Variants in MYOM2 observed in about 807,000 individuals in gnomAD.
The protein encoded by MYOM2 is myomesin-2.
Under a neutral mutation model 187.6 loss-of-function variants are expected in MYOM2, and 254 were observed. The ratio of observed to expected loss-of-function variants is 1.35; its 90% CI spans 1.22 to 1.50. MYOM2 has a LOEUF of 1.50. Ranked by LOEUF, MYOM2 falls within the 40% of genes most tolerant of loss-of-function variation. The probability of loss-of-function intolerance (pLI) is 0.00; values close to 1 mark genes in which losing one functional copy is unlikely to be tolerated. For synonymous variants in MYOM2, 981 were observed against 753.8 expected (o/e 1.30, Z -4.94); for missense variants, 2,796 against 1,924.0 (o/e 1.45, Z -8.48).
At chr8:2,093,713 C>T (rs988569742) in intron 16 of MYOM2, among the ~76,000 whole-genome samples, 1 of 152,064 alleles carries the variant, frequency 6.6e-6, no homozygotes, top group African/African-American at 2.4e-5. Context: ...CAGAGGAGGC[C>T]CAGAAAGTAC....
At position 2,066,465 on chromosome 8, in the gene MYOM2, T is replaced by C. The variant is rs565702631; in HGVS notation, c.654-2813T>C. ...ATTGCTAGTGGGGGTGGGATCGTTG[T>C]AGAGGAAGGGTTAGGATGAATCCCA... is the stretch of plus-strand genomic sequence containing the variant. On this transcript the variant is annotated intron_variant, in intron 6 of 36. Transcript: ENST00000262113. 4.6e-5 allele frequency among the ~76,000 whole-genome samples: 7 copies of C among 152,328 alleles called. No individual in the cohort carries two copies. In the East Asian group the frequency reaches 1.2e-3, roughly 25 times the overall value.
intron 3 of MYOM2, among the ~76,000 whole-genome samples, chr8:2,053,939 G>T (rs930730679): frequency 6.6e-6 from 1 of 152,154 alleles, no homozygotes. Flanking sequence ...AACATAAGTC[G>T]TGGGGATCTC....
chr8:2,085,058 A>G (rs1329240405), intron 13 of MYOM2: 2 of 599,498 alleles, frequency 3.3e-6, no homozygotes, highest in Non-Finnish European at 5.8e-6. Flanking sequence ...TTATATCTGT[A>G]TTGGAAGCAA....
At chr8:2,090,630 A>G (rs1414120469) in intron 15 of MYOM2, among the ~76,000 whole-genome samples, 10 of 151,952 alleles carry the variant, frequency 6.6e-5, no homozygotes, top group Non-Finnish European at 1.3e-4. Flanking sequence ...CCCACCCTAG[A>G]CCCTCTGATA....
chr8:2,116,912 T>C lies in MYOM2; in HGVS notation c.3385+637T>C, dbSNP rs1021482880. The stretch of plus-strand genomic sequence containing the variant: ...AGCTGGGACTACAGGCGCCCGCCAC[T>C]ATGCCCGGTTAATTTTTTCTGTATT... On this transcript the variant is annotated intron_variant, in intron 27 of 36. Coordinates refer to ENST00000262113, the MANE Select transcript of MYOM2 (RefSeq NM_003970.4). 4.8e-5 allele frequency among the ~76,000 whole-genome samples: 7 copies of C among 144,586 alleles called. No homozygotes were observed. In the South Asian group the frequency reaches 6.9e-4, roughly 14 times the overall value. 94.9% of individuals were successfully genotyped at this position (144,586 alleles called of 152,430 possible).
rs922668937 is a variant in MYOM2 at position 2,106,724 on chromosome 8, G to T, written c.2998+127G>T. On this transcript the variant is annotated intron_variant, in intron 23 of 36. Coordinates refer to ENST00000262113, the MANE Select transcript of MYOM2 (RefSeq NM_003970.4). Reference sequence around the variant, plus strand: ...TGTTTGCAGGAGGCTGGCGGTGGGGGCTATGTATATAAGCCAAAACTTGCT... The same window carrying T: ...TGTTTGCAGGAGGCTGGCGGTGGGGTCTATGTATATAAGCCAAAACTTGCT... 11 of 676,608 alleles carry T rather than the reference G, an allele frequency of 1.6e-5. No individual in the cohort carries two copies. The African/African-American group carries it at 1.8e-4, about 11-fold the overall frequency. 41.9% of individuals were successfully genotyped at this position (676,608 alleles called of 1,614,324 possible).
intron 1 of MYOM2, among the ~76,000 whole-genome samples, chr8:2,045,585 A>G (rs1288582741): frequency 6.6e-6 from 1 of 152,158 alleles, no homozygotes; most frequent in East Asian, 1.9e-4. Flanking sequence ...AAAACTGGAT[A>G]TTTTCTTAAG....
At chr8:2,055,881 A>G (rs764931731) in intron 3 of MYOM2, among the ~76,000 whole-genome samples, 1 of 152,006 alleles carries the variant, frequency 6.6e-6, no homozygotes, top group Non-Finnish European at 1.5e-5. Flanking sequence ...TTTCTGTGCG[A>G]TGTGGCCCTG....
intron 6 of MYOM2, among the ~76,000 whole-genome samples, chr8:2,059,962 G>A (rs752271365): frequency 2.7e-4 from 41 of 152,120 alleles, no homozygotes; most frequent in African/African-American, 8.0e-4. Context: ...GGCTGGTCTC[G>A]AACTCCCGAC....
intron 6 of MYOM2, among the ~76,000 whole-genome samples, chr8:2,065,592 T>TC (rs1818993305): frequency 6.6e-6 from 1 of 152,156 alleles, no homozygotes; most frequent in Non-Finnish European, 1.5e-5. Flanking sequence ...CCTCGGCAAC[T>TC]ATTTTTGCCC....
chr8:2,086,228 GCC>G (rs1299207687), intron 14 of MYOM2, among the ~76,000 whole-genome samples: 2 of 46,692 alleles, frequency 4.3e-5, no homozygotes, highest in Non-Finnish European at 1.2e-4. Flanking sequence ...TCTCTTTGTG[GCC>G]CCCCACTGTT....
Position 2,133,234 on chromosome 8 carries a change from A to G in MYOM2, c.3800+4002A>G, listed in dbSNP as rs117137591. On this transcript the variant is annotated intron_variant, in intron 32 of 36. Coordinates refer to ENST00000262113, the MANE Select transcript of MYOM2 (RefSeq NM_003970.4). Reference sequence around the variant, plus strand: ...GGGGCTCTTCCCAAAGGAGGTCTGCATTCCTCAACACTGTCCTCTCCAGCC... The same window carrying G: ...GGGGCTCTTCCCAAAGGAGGTCTGCGTTCCTCAACACTGTCCTCTCCAGCC... Among the ~76,000 whole-genome samples, 533 of 152,342 alleles carry G rather than the reference A, an allele frequency of 3.5e-3. 4 individuals are homozygous for G. The highest frequency in any genetic ancestry group is 5.8e-3 in the Admixed American group (89 of 15,302).
chr8:2,145,370 A>C lies in MYOM2; in HGVS notation c.*389A>C. 1 of 288,898 alleles carries C rather than the reference A, an allele frequency of 3.5e-6. No homozygotes were observed. 17.9% of individuals were successfully genotyped at this position (288,898 alleles called of 1,614,324 possible). Reference sequence around the variant, plus strand: ...GGGGCCGCGAGATCTAGCATCTCTGAAATCCTGGCTGTCGAGGCTTTGAAG... The same window carrying C: ...GGGGCCGCGAGATCTAGCATCTCTGCAATCCTGGCTGTCGAGGCTTTGAAG... On this transcript the variant is annotated 3_prime_UTR_variant, in exon 37 of 37. Transcript: ENST00000262113.
At chr8:2,109,867 G>T (rs564431950) in intron 25 of MYOM2, among the ~76,000 whole-genome samples, 124 of 152,262 alleles carry the variant, frequency 8.1e-4, no homozygotes, top group African/African-American at 2.9e-3. Context: ...GGTTTTGAAG[G>T]TATCTATTTT....
At position 2,085,348 on chromosome 8, in the gene MYOM2, C is replaced by T. The variant is rs1400626948; in HGVS notation, c.1602C>T (p.Pro534=). 3 of 1,613,922 alleles carry T rather than the reference C, an allele frequency of 1.9e-6. No individual in the cohort carries two copies. Among genetic ancestry groups the T allele is most frequent in the South Asian group, 2.2e-5 (2 of 91,080 alleles). The change falls in exon 14 of 37, where the codon CCC becomes CCT. Residue 534 remains proline, a synonymous_variant. Coordinates refer to ENST00000262113, the MANE Select transcript of MYOM2 (RefSeq NM_003970.4). The part of the protein sequence containing the change: ...RNYVVLSWEP[P]TPRGKDPLMY... ...ATGTCGTCCTCAGCTGGGAGCCACC[C>T]ACTCCCCGTGGCAAGGACCCGCTCA...
chr8:2,070,375 C>T (rs760995422), intron 8 of MYOM2, among the ~76,000 whole-genome samples: 1 of 152,190 alleles, frequency 6.6e-6, no homozygotes, highest in East Asian at 1.9e-4. Flanking sequence ...CCGCTGTGGG[C>T]GTGGCCTCTG....
At chr8:2,134,314 C>T (rs1797982676) in intron 32 of MYOM2, among the ~76,000 whole-genome samples, 1 of 152,148 alleles carries the variant, frequency 6.6e-6, no homozygotes. Flanking sequence ...AAGCACGCCC[C>T]TCTGTCTGGG....
At chr8:2,095,823 C>T (rs910903374) in intron 17 of MYOM2, among the ~76,000 whole-genome samples, 1 of 152,160 alleles carries the variant, frequency 6.6e-6, no homozygotes, top group Non-Finnish European at 1.5e-5. Flanking sequence ...GAAATTAAAA[C>T]AAACTGGAAT....
chr8:2,073,250 C>A, intron 9 of MYOM2, 89 bp from the exon 10 acceptor site: 1 of 1,438,170 alleles, frequency 7.0e-7, no homozygotes, highest in Non-Finnish European at 9.5e-7. Flanking sequence ...TGTCCTGTCC[C>A]GCTCTGAGAC....
Sources: gnomAD v4.1 joint callset for allele counts (sites outside exome capture counted in the v4.1 genomes callset) on GRCh38, gnomAD v4.1.1 for gene constraint, MANE v1.5 for transcripts, NCBI Gene and HGNC (gene_info 2026-07-23, HGNC 2026-07-21) for gene names.